The following LRMDA variants were observed in gnomAD, a reference collection of about 807,000 sequenced individuals.
LRMDA encodes the protein leucine rich melanocyte differentiation associated.
A neutral mutation model predicts 29.8 loss-of-function variants in LRMDA; 18 were observed. The ratio of observed to expected loss-of-function variants is 0.60; its 90% CI spans 0.42 to 0.90. The LOEUF (loss-of-function observed/expected upper bound fraction) is 0.90, where lower values mean the gene tolerates loss of function less well. LRMDA is among the 40% of genes least tolerant of loss of function. LRMDA has a pLI of 0.00. For synonymous variants in LRMDA, 125 were observed against 109.4 expected (o/e 1.14, Z -0.89); for missense variants, 273 against 273.9 (o/e 1.00, Z 0.02).
intron 6 of LRMDA, among the ~76,000 whole-genome samples, chr10:76,476,115 GT>G (rs1196513490): frequency 7.9e-5 from 12 of 152,064 alleles, no homozygotes; most frequent in Non-Finnish European, 1.6e-4. Context: ...CCAGGAGCTG[GT>G]TTTTTGAAAA....
intron 2 of LRMDA, among the ~76,000 whole-genome samples, chr10:75,751,339 AGGGAGAGGGAGACTG>A (rs1842967159): frequency 6.8e-6 from 1 of 146,142 alleles, no homozygotes; most frequent in Non-Finnish European, 1.5e-5. Context: ...GACCGGGGAG[AGGGAGAGGGAGACTG>A]GGGAGAGGGA....
At chr10:75,619,255 T>G (rs888763395) in intron 2 of LRMDA, among the ~76,000 whole-genome samples, 1 of 152,120 alleles carries the variant, frequency 6.6e-6, no homozygotes, top group Non-Finnish European at 1.5e-5. Flanking sequence ...AGTGGACCCA[T>G]GAAGTTGAAA....
intron 2 of LRMDA, among the ~76,000 whole-genome samples, chr10:75,835,372 T>C (rs1177148509): frequency 6.6e-6 from 1 of 152,200 alleles, no homozygotes; most frequent in Non-Finnish European, 1.5e-5. Flanking sequence ...CCTGCATCCT[T>C]CTTATAAGTA....
At chr10:76,460,162 G>A (rs898031500) in intron 6 of LRMDA, among the ~76,000 whole-genome samples, 1 of 152,188 alleles carries the variant, frequency 6.6e-6, no homozygotes, top group Non-Finnish European at 1.5e-5. Flanking sequence ...GTCAGTGGTT[G>A]TGAGACTTCG....
chr10:75,704,799 G>A (rs1842347930), intron 2 of LRMDA, among the ~76,000 whole-genome samples: 1 of 152,208 alleles, frequency 6.6e-6, no homozygotes. Flanking sequence ...TCATGGGCAA[G>A]TTTCTTACCT....
intron 5 of LRMDA, among the ~76,000 whole-genome samples, chr10:76,116,040 G>A (rs145955751): frequency 1.3e-5 from 2 of 152,238 alleles, no homozygotes; most frequent in African/African-American, 4.8e-5. Context: ...TATCACTCGT[G>A]GTTTATGTTC....
At chr10:76,485,727 G>A (rs1842776753) in intron 6 of LRMDA, among the ~76,000 whole-genome samples, 1 of 151,894 alleles carries the variant, frequency 6.6e-6, no homozygotes, top group South Asian at 2.1e-4. Context: ...GTTTGTGGGA[G>A]TCTTTATTTC....
At chr10:76,108,847 T>C (rs1849529225) in intron 5 of LRMDA, among the ~76,000 whole-genome samples, 1 of 152,186 alleles carries the variant, frequency 6.6e-6, no homozygotes, top group Non-Finnish European at 1.5e-5. Context: ...TGTTCCTACA[T>C]TGAGTATATT....
intron 2 of LRMDA, among the ~76,000 whole-genome samples, chr10:75,639,628 C>T (rs779793590): frequency 1.6e-4 from 25 of 152,196 alleles, no homozygotes; most frequent in South Asian, 4.1e-4. Flanking sequence ...GCTCCTGAAG[C>T]GGCTGATTGT....
intron 2 of LRMDA, among the ~76,000 whole-genome samples, chr10:75,829,953 C>T (rs1296029655): frequency 6.9e-6 from 1 of 145,186 alleles, no homozygotes; most frequent in African/African-American, 2.6e-5. Context: ...AGCATCTGTT[C>T]ATCCCAAGTG....
At chr10:76,267,321 T>TA (rs1203402685) in intron 5 of LRMDA, among the ~76,000 whole-genome samples, 1 of 152,176 alleles carries the variant, frequency 6.6e-6, no homozygotes, top group African/African-American at 2.4e-5. Flanking sequence ...AAAATTGTGG[T>TA]AAAAATATAT....
intron 2 of LRMDA, among the ~76,000 whole-genome samples, chr10:75,991,187 A>G (rs1847362317): frequency 6.6e-6 from 1 of 152,232 alleles, no homozygotes; most frequent in Non-Finnish European, 1.5e-5. Flanking sequence ...ATACACACAT[A>G]TAGAGATACA....
intron 5 of LRMDA, among the ~76,000 whole-genome samples, chr10:76,244,262 G>A (rs975209852): frequency 6.6e-6 from 1 of 152,108 alleles, no homozygotes; most frequent in Admixed American, 6.5e-5. Context: ...CTCAGTGCCT[G>A]GTACATGACA....
At chr10:76,162,712 A>G (rs1019711112) in intron 5 of LRMDA, among the ~76,000 whole-genome samples, 1 of 152,180 alleles carries the variant, frequency 6.6e-6, no homozygotes, top group South Asian at 2.1e-4. Flanking sequence ...CCGTGATCCA[A>G]TAACCTCCCA....
At chr10:75,629,246 T>C (rs1277166370) in intron 2 of LRMDA, among the ~76,000 whole-genome samples, 6 of 152,202 alleles carry the variant, frequency 3.9e-5, no homozygotes, top group Non-Finnish European at 7.3e-5. Flanking sequence ...ATCATCTTCA[T>C]CTAGTTGGGA....
intron 5 of LRMDA, among the ~76,000 whole-genome samples, chr10:76,277,312 C>T (rs1025339133): frequency 6.6e-6 from 1 of 152,148 alleles, no homozygotes; most frequent in Non-Finnish European, 1.5e-5. Flanking sequence ...CCATAAGCCA[C>T]TGGCTTTTGT....
intron 6 of LRMDA, among the ~76,000 whole-genome samples, chr10:76,442,488 C>T (rs992034538): frequency 3.9e-5 from 6 of 152,242 alleles, no homozygotes; most frequent in Admixed American, 1.3e-4. Flanking sequence ...CCCAGGAGTT[C>T]GAGACCAGCC....
At chr10:76,380,218 G>T (rs1410446273) in intron 6 of LRMDA, among the ~76,000 whole-genome samples, 1 of 152,058 alleles carries the variant, frequency 6.6e-6, no homozygotes, top group Non-Finnish European at 1.5e-5. Flanking sequence ...ATATCTGTTA[G>T]GTTGATTTGA....
intron 2 of LRMDA, among the ~76,000 whole-genome samples, chr10:75,861,441 G>A (rs1233218049): frequency 6.6e-6 from 1 of 152,224 alleles, no homozygotes; most frequent in Middle Eastern, 3.2e-3. Flanking sequence ...TGTTACAAGA[G>A]TCAAGAGGCA....
Sources: gnomAD v4.1 joint callset for allele counts (sites outside exome capture counted in the v4.1 genomes callset) on GRCh38, gnomAD v4.1.1 for gene constraint, MANE v1.5 for transcripts, NCBI Gene and HGNC (gene_info 2026-07-23, HGNC 2026-07-21) for gene names.